The following GANAB variants were observed in gnomAD, a reference collection of about 807,000 sequenced individuals.
GANAB encodes neutral alpha-glucosidase AB.
Under a neutral mutation model 129.9 loss-of-function variants are expected in GANAB, and 35 were observed. The observed-to-expected ratio is 0.27, with a 90% CI of 0.21 to 0.36. GANAB has a LOEUF of 0.36. GANAB is among the 10% of genes least tolerant of loss of function. The pLI, the probability that GANAB is intolerant of heterozygous loss-of-function variation, is 1.00. For synonymous variants in GANAB, 482 were observed against 451.8 expected (o/e 1.07, Z -0.85); for missense variants, 939 against 1,221.0 (o/e 0.77, Z 3.44).
Position 62,634,948 on chromosome 11 carries a change from C to T in GANAB, c.433G>A (p.Gly145Arg). Residue 145 changes from glycine to arginine, a missense_variant, in exon 5 of 24, where the codon GGA (glycine) becomes AGA (arginine). Physicochemically the swap from Gly to Arg is moderately radical, Grantham distance 125 (BLOSUM62 -2). This residue lies in a region of GANAB where 321 missense variants were observed against 329.1 expected (regional missense o/e 0.98). Coordinates refer to ENST00000356638, the MANE Select transcript of GANAB (RefSeq NM_198334.3). Reference sequence around the variant, plus strand: ...GCTGTCAAGATGATCTTGTAGGGTCCCTCAGCCATGGTTAACTCCACACTG... The same window carrying T: ...GCTGTCAAGATGATCTTGTAGGGTCTCTCAGCCATGGTTAACTCCACACTG... ...ENSVELTMAE[G>R]PYKIILTARP... 3 of 1,613,702 alleles carry T rather than the reference C, an allele frequency of 1.9e-6. No individual in the cohort carries two copies. The South Asian group carries it at 3.3e-5, about 18-fold the overall frequency.
At chr11:62,630,990 A>G in intron 10 of GANAB, 40 bp downstream of exon 10, 1 of 1,579,044 alleles carries the variant, frequency 6.3e-7, no homozygotes, top group Non-Finnish European at 8.7e-7. Flanking sequence ...ATCACCCGAC[A>G]AGAAAAGAGC....
intron 4 of GANAB, among the ~76,000 whole-genome samples, chr11:62,637,019 G>A (rs1943976547): frequency 6.6e-6 from 1 of 151,878 alleles, no homozygotes; most frequent in Non-Finnish European, 1.5e-5. Context: ...GTAAAAGACT[G>A]ATACATCTAA....
chr11:62,625,648 T>C lies in GANAB; in HGVS notation c.*167A>G, dbSNP rs1943334577. ...GAGGTGAGGAGATCACAAGAGGAAT[T>C]TGGAGCCCAGGGTCAGCCCTCTCAT... On this transcript the variant is annotated 3_prime_UTR_variant, in exon 24 of 24. Transcript: ENST00000356638. 2 of 611,432 alleles carry C rather than the reference T, an allele frequency of 3.3e-6. No individual in the cohort carries two copies. Among genetic ancestry groups the C allele is most frequent in the Middle Eastern group, 4.3e-4 (1 of 2,300 alleles). 37.9% of individuals were successfully genotyped at this position (611,432 alleles called of 1,614,324 possible).
intron 17 of GANAB, 73 bp downstream of exon 17, chr11:62,628,696 C>G: frequency 6.7e-7 from 1 of 1,498,288 alleles, no homozygotes; most frequent in Non-Finnish European, 9.2e-7. Context: ...GAAAGAGACC[C>G]AGAGATGAAG....
intron 3 of GANAB, 69 bp from the exon 4 acceptor site, chr11:62,639,179 T>A: frequency 6.4e-7 from 1 of 1,565,092 alleles, no homozygotes; most frequent in Admixed American, 1.7e-5. Flanking sequence ...TTTGAACCCA[T>A]TCTCTCCTAA....
chr11:62,625,745 G>A lies in GANAB; in HGVS notation c.*70C>T, dbSNP rs141471770. On this transcript the variant is annotated 3_prime_UTR_variant, in exon 24 of 24. Transcript: ENST00000356638. ...AAGTCTGGGGAGGGCCGAACTCCAA[G>A]GCAGAAGAAAGAATATCTCTCAGCA... 3.1e-5 allele frequency: 31 copies of A among 1,007,228 alleles called. No homozygotes were observed. The African/African-American group carries it at 4.6e-4, about 15-fold the overall frequency. The allele number at this position is 1,007,228 out of a possible 1,614,324, so 62.4% of individuals were successfully genotyped here. A position where few individuals can be genotyped will look rare whatever the true frequency, so the allele number is the denominator to read the frequency against.
At chr11:62,632,417 G>C in intron 9 of GANAB, 148 bp downstream of exon 9, 1 of 654,624 alleles carries the variant, frequency 1.5e-6, no homozygotes, top group South Asian at 1.8e-5. Flanking sequence ...TGTCACCTGG[G>C]AGTGATTAGG....
intron 1 of GANAB, among the ~76,000 whole-genome samples, chr11:62,645,764 TTTA>T (rs1398208765): frequency 2.0e-5 from 3 of 152,152 alleles, no homozygotes; most frequent in Non-Finnish European, 1.5e-5. Context: ...GTTGCACGCA[TTTA>T]TTGTTTCAGA....
In GANAB at chr11:62,646,568, C is replaced by T. The variant is rs201573102; in HGVS notation, c.32G>A (p.Arg11Lys). The change falls in exon 1 of 24, where the codon AGG becomes AAG. Residue 11 changes from arginine (R) to lysine (K), a missense_variant. Around this residue, in one of 5 missense-constraint regions of GANAB, gnomAD observed 321 missense variants for 329.1 expected, o/e 0.98. Transcript: ENST00000356638. MAAVAAVAARRRRSWASLVLA... is the reference protein window; with the variant it reads MAAVAAVAARKRRSWASLVLA... ...CAGATTCCGGGCTCCTCACCGCCTC[C>T]TACGCGCCGCCACTGCCGCTACCGC... 5 of 1,613,704 alleles carry T rather than the reference C, an allele frequency of 3.1e-6. No individual in the cohort carries two copies. Among genetic ancestry groups the T allele is most frequent in the East Asian group, 4.5e-5 (2 of 44,856 alleles).
chr11:62,633,606 T>C, intron 5 of GANAB, 92 bp from the exon 6 acceptor site: 1 of 1,140,156 alleles, frequency 8.8e-7, no homozygotes, highest in Non-Finnish European at 1.3e-6. Context: ...GAGCCAAGGG[T>C]CCAAAGGAAC....
rs747288829 is a variant in GANAB, at chr11:62,628,868, T to C, written c.2081A>G (p.Asn694Ser). The change falls in exon 17 of 24, where the codon AAT becomes AGT. Residue 694 changes from asparagine (N) to serine (S), a missense_variant. Asn to Ser is a conservative substitution (Grantham distance 46). Coordinates refer to ENST00000356638, the MANE Select transcript of GANAB (RefSeq NM_198334.3). Reference protein sequence around the residue: ...REPWLLPSQHNDIIRDALGQR... With the variant: ...REPWLLPSQHSDIIRDALGQR... ...GCCCAAGGCATCTCGGATTATATCA[T>C]TGTGCTGAGATGGTAACAGCCATGG... is the stretch of plus-strand genomic sequence containing the variant. 6.8e-6 allele frequency: 11 copies of C among 1,614,012 alleles called. No homozygotes were observed. Among genetic ancestry groups the C allele is most frequent in the East Asian group, 2.2e-5 (1 of 44,880 alleles).
rs774527216 is a variant in GANAB, at chr11:62,628,757, T to C, written c.2180+12A>G. The C allele has an allele frequency of 6.8e-6, 11 of 1,611,654 alleles. No homozygotes were observed. The highest frequency in any genetic ancestry group is 1.7e-5 in the Admixed American group (1 of 59,970). On this transcript the variant is annotated intron_variant, in intron 17 of 23. Transcript: ENST00000356638. ...CTCAGCCCACTCTTCACAGCCCAAG[T>C]GAATGCCTCACCTCATGACAGGAAT... is the stretch of plus-strand genomic sequence containing the variant.
In GANAB at chr11:62,630,806, A is replaced by T; in HGVS notation, c.1181T>A (p.Leu394His). 1 of 1,613,828 alleles carries T rather than the reference A, an allele frequency of 6.2e-7. No individual in the cohort carries two copies. ...GTQALPPLFS[L>H]GYHQSRWNYR... ...GTTCCAACGGCTCTGGTGGTAGCCG[A>T]GGGAGAAGAGTGGGGGCAACGCCTG... Residue 394 changes from leucine (L) to histidine (H), a missense_variant, in exon 11 of 24, where the codon CTC becomes CAC. Physicochemically the swap from Leu to His is moderately conservative, Grantham distance 99. Around this residue, in one of 5 missense-constraint regions of GANAB, gnomAD observed 220 missense variants for 295.9 expected, o/e 0.74. Coordinates refer to ENST00000356638, the MANE Select transcript of GANAB (RefSeq NM_198334.3).
At chr11:62,628,740 A>G (rs759091569) in intron 17 of GANAB, 29 bp downstream of exon 17, 9 of 1,605,560 alleles carry the variant, frequency 5.6e-6, no homozygotes, top group Non-Finnish European at 7.7e-6. Flanking sequence ...ACCTCAGCCC[A>G]CTCTTCACAG....
Position 62,629,299 on chromosome 11 carries a change from A to G in GANAB, c.1835-4T>C, listed in dbSNP as rs562495807. 2 of 1,596,480 alleles carry G rather than the reference A, an allele frequency of 1.3e-6. No individual in the cohort carries two copies. The highest frequency in any genetic ancestry group is 2.2e-5 in the South Asian group (2 of 90,674). On this transcript the variant is annotated splice_region_variant and splice_polypyrimidine_tract_variant and intron_variant, in intron 15 of 23. Coordinates refer to ENST00000356638, the MANE Select transcript of GANAB (RefSeq NM_198334.3). The stretch of plus-strand genomic sequence containing the variant: ...TTGTCCCCTGTCCACACGGCTCCTG[A>G]GGAAGACAAGAAGTGGGGAGCTTGC...
chr11:62,638,020 G>A (rs956096839), intron 4 of GANAB, among the ~76,000 whole-genome samples: 1 of 152,100 alleles, frequency 6.6e-6, no homozygotes, highest in Admixed American at 6.6e-5. Context: ...ACATATGTGT[G>A]CATATGTATA....
chr11:62,628,434 A>C (rs995245306), intron 17 of GANAB, among the ~76,000 whole-genome samples: 1 of 151,912 alleles, frequency 6.6e-6, no homozygotes, highest in African/African-American at 2.4e-5. Context: ...GCTGGTCTCA[A>C]ACTCCTGACC....
At chr11:62,631,256 A>G in intron 9 of GANAB, 73 bp from the exon 10 acceptor site, 1 of 1,390,520 alleles carries the variant, frequency 7.2e-7, no homozygotes, top group Non-Finnish European at 9.8e-7. Context: ...AAAAAGTAGC[A>G]ATTTTCTCCC....
At chr11:62,626,992 T>G (rs1306540470) in intron 19 of GANAB, 56 bp downstream of exon 19, 2 of 1,581,982 alleles carry the variant, frequency 1.3e-6, no homozygotes, top group Admixed American at 1.7e-5. Flanking sequence ...GGTCCCGTCC[T>G]GTTTGCCTCC....
Sources: allele counts gnomAD v4.1 joint callset (sites outside exome capture counted in the v4.1 genomes callset), GRCh38; gene constraint gnomAD v4.1.1; regional missense constraint gnomAD v4.1.1; transcripts MANE v1.5; gene names NCBI Gene and HGNC (gene_info 2026-07-23, HGNC 2026-07-21).